FAM193B: variants seen among roughly 807,000 people sequenced by gnomAD.
The protein encoded by FAM193B is family with sequence similarity 193 member B, also known as protein FAM193B.
FAM193B carries 27 observed loss-of-function variants against 70.7 expected under a neutral mutation model. The ratio of observed to expected loss-of-function variants is 0.38; its 90% CI spans 0.28 to 0.53. FAM193B has a LOEUF of 0.53. FAM193B is among the 20% of genes least tolerant of loss of function. FAM193B has a pLI of 0.81. For missense variants in FAM193B, 1,022 were observed against 1,072.5 expected, an observed-to-expected ratio of 0.95 and a Z score of 0.66; for synonymous variants, 448 against 436.0, an observed-to-expected ratio of 1.03 and a Z score of -0.34.
chr5:177,522,118 C>G (rs777113551), intron 7 of FAM193B, 47 bp from the exon 8 acceptor site: 15 of 1,456,528 alleles, frequency 1.0e-5, no homozygotes, highest in Admixed American at 6.9e-5. Flanking sequence ...GAGGTTCATT[C>G]TTTTGCTCAC....
chr5:177,554,206 G>A (rs761714195), intron 1 of FAM193B, 43 bp downstream of exon 1: 4 of 1,486,972 alleles, frequency 2.7e-6, no homozygotes, highest in Non-Finnish European at 2.7e-6. Flanking sequence ...CTCGGGGAAG[G>A]TGAAAGCGCC....
rs1474068786 is a variant in FAM193B at position 177,532,359 on chromosome 5, CG to C, written c.1275+83del. The C allele has an allele frequency of 6.6e-7, 1 of 1,519,510 alleles. No individual in the cohort carries two copies. The highest frequency in any genetic ancestry group is 8.8e-7 in the Non-Finnish European group (1 of 1,135,740). 94.1% of individuals were successfully genotyped at this position (1,519,510 alleles called of 1,614,324 possible). A position where few individuals can be genotyped will look rare whatever the true frequency, so the allele number is the denominator to read the frequency against. ...GCACGGTAATTACCACCGTGAGCAACGGGGTCTCTGGGGAGAGCAGGGTGCT... is the reference window on the plus strand; with the variant it reads ...GCACGGTAATTACCACCGTGAGCAACGGGTCTCTGGGGAGAGCAGGGTGCT... On this transcript the variant is annotated intron_variant, in intron 5 of 8. Coordinates refer to ENST00000514747, the MANE Select transcript of FAM193B (RefSeq NM_001190946.3). This position sits in a 1 kb window ranked among gnomAD's most constrained non-coding sequence, Gnocchi z 4.9.
chr5:177,538,420 A>G lies in FAM193B; in HGVS notation c.454-313T>C, dbSNP rs1764443147. The stretch of plus-strand genomic sequence containing the variant: ...CAATGACAGGAAGGGCCTTTTGACC[A>G]GGAGTCCTGAAGCTAAACTGTTCCT... On this transcript the variant is annotated intron_variant, in intron 2 of 8. Transcript: ENST00000514747. The surrounding 1 kb of genome is among the most constrained non-coding windows in gnomAD (Gnocchi z 4.1). Among the ~76,000 whole-genome samples the G allele has an allele frequency of 6.6e-6, 1 of 152,218 alleles. No homozygotes were observed. Among genetic ancestry groups the G allele is most frequent in the Non-Finnish European group, 1.5e-5 (1 of 68,036 alleles).
In FAM193B at chr5:177,520,152, C is replaced by T. The variant is rs337388; in HGVS notation, c.*31G>A. The T allele has an allele frequency of 0.84, 127,411 of 152,432 alleles. 55,147 individuals carry two copies. Among genetic ancestry groups the T allele is most frequent in the Non-Finnish European group, 0.94 (64,425 of 68,202 alleles). 9.4% of individuals were successfully genotyped at this position (152,432 alleles called of 1,614,324 possible). A position where few individuals can be genotyped will look rare whatever the true frequency, so the allele number is the denominator to read the frequency against. ...TCAGCTGGCAGTCAGGGCCTCAGGA[C>T]GCCCTGAAGCAGCTCAGCCTGGGCA... On this transcript the variant is annotated 3_prime_UTR_variant, in exon 9 of 9. Transcript: ENST00000514747.
chr5:177,553,753 CGAG>C (rs1766630540), intron 1 of FAM193B: 1 of 1,287,738 alleles, frequency 7.8e-7, no homozygotes, highest in Non-Finnish European at 1.0e-6. Flanking sequence ...CTGGGTATGG[CGAG>C]GAGGCGCCAG....
chr5:177,553,522 G>C, intron 1 of FAM193B: 1 of 1,145,226 alleles, frequency 8.7e-7, no homozygotes, highest in South Asian at 1.8e-5. Context: ...TTGCTCAAAA[G>C]AAAGTGACCT....
intron 4 of FAM193B, among the ~76,000 whole-genome samples, chr5:177,534,497 T>C (rs1763941951): frequency 2.0e-5 from 3 of 151,400 alleles, no homozygotes; most frequent in African/African-American, 7.3e-5. Context: ...AGAGATGAGG[T>C]TTCACCATGC....
chr5:177,538,886 C>A lies in FAM193B; in HGVS notation c.453+19G>T. ...AGGAGCCCTCCTGCATTCAGGGACC[C>A]CTGTCAGCGGTTACCTACCGCCACT... is the stretch of plus-strand genomic sequence containing the variant. On this transcript the variant is annotated intron_variant, in intron 2 of 8. Transcript: ENST00000514747. The surrounding 1 kb of genome is among the most constrained non-coding windows in gnomAD (Gnocchi z 4.1). 1 of 1,612,448 alleles carries A rather than the reference C, an allele frequency of 6.2e-7. No homozygotes were observed.
chr5:177,528,419 C>T (rs753736876), intron 5 of FAM193B, among the ~76,000 whole-genome samples: 31 of 152,096 alleles, frequency 2.0e-4, no homozygotes, highest in Admixed American at 5.9e-4. Context: ...AGGTAACAGG[C>T]TCAAGGAGCA....
chr5:177,541,342 G>A (rs1413401854), intron 1 of FAM193B, among the ~76,000 whole-genome samples: 2 of 151,980 alleles, frequency 1.3e-5, no homozygotes, highest in African/African-American at 4.8e-5. Context: ...TTACTACAAC[G>A]GTTTCATTTC....
At chr5:177,528,642 A>G (rs1762990507) in intron 5 of FAM193B, among the ~76,000 whole-genome samples, 1 of 152,254 alleles carries the variant, frequency 6.6e-6, no homozygotes, top group South Asian at 2.1e-4. Flanking sequence ...TCCCTGTATA[A>G]TGGCTTTTTT....
chr5:177,549,460 T>C (rs955580251), intron 1 of FAM193B, among the ~76,000 whole-genome samples: 1 of 152,196 alleles, frequency 6.6e-6, no homozygotes, highest in Non-Finnish European at 1.5e-5. Context: ...CCCAAAGTGC[T>C]GGGATTACAG....
intron 5 of FAM193B, chr5:177,531,514 G>A: frequency 2.3e-6 from 3 of 1,317,562 alleles, no homozygotes; most frequent in Non-Finnish European, 3.0e-6. Flanking sequence ...CGTCGGGGCA[G>A]CGGGTGGCTG....
intron 1 of FAM193B, chr5:177,551,897 C>T (rs1223677058): frequency 2.9e-6 from 1 of 340,044 alleles, no homozygotes; most frequent in African/African-American, 2.2e-5. Context: ...ACACTAGGTG[C>T]TTTGCACCAG....
intron 5 of FAM193B, among the ~76,000 whole-genome samples, chr5:177,528,388 G>C (rs1026852770): frequency 6.6e-6 from 1 of 152,170 alleles, no homozygotes; most frequent in Admixed American, 6.5e-5. Flanking sequence ...GAGGAAAGAG[G>C]CTGGGGAGGG....
Position 177,554,341 on chromosome 5 carries a change from C to G in FAM193B, c.118G>C (p.Gly40Arg). The G allele has an allele frequency of 8.0e-7, 1 of 1,255,088 alleles. No homozygotes were observed. The highest frequency in any genetic ancestry group is 1.0e-6 in the Non-Finnish European group (1 of 999,102). The allele number at this position is 1,255,088 out of a possible 1,614,324, so 77.7% of individuals were successfully genotyped here. A position where few individuals can be genotyped will look rare whatever the true frequency, so the allele number is the denominator to read the frequency against. ...GCCTCCGGAGGGCCTGCACCCGCTC[C>G]CGCCTCCAGGCTTGGCGGCGGCGGG... ...EPPPPPSLEA[G>R]AGAGPPEAPA... The change falls in exon 1 of 9, where the codon GGA becomes CGA. Residue 40 changes from glycine (G) to arginine (R), a missense_variant. Physicochemically the swap from Gly to Arg is moderately radical, Grantham distance 125. Coordinates refer to ENST00000514747, the MANE Select transcript of FAM193B (RefSeq NM_001190946.3).
intron 8 of FAM193B, among the ~76,000 whole-genome samples, chr5:177,520,979 G>A (rs974105026): frequency 6.6e-6 from 1 of 152,202 alleles, no homozygotes; most frequent in African/African-American, 2.4e-5. Context: ...AGCTGCCCCT[G>A]GGGAGCTGAG....
In FAM193B at chr5:177,536,745, C is replaced by G; in HGVS notation, c.689G>C (p.Gly230Ala). Residue 230 changes from glycine (G) to alanine (A), a missense_variant and splice_region_variant, in exon 4 of 9, where the codon GGT becomes GCT. Gly to Ala is a moderately conservative substitution (Grantham distance 60). Transcript: ENST00000514747. ...GTGCTCCGAGACGGGGAAAGCCTCACCTGTGGGCAGAGGGAGGAGAAAGGG... is the reference window on the plus strand; with the variant it reads ...GTGCTCCGAGACGGGGAAAGCCTCAGCTGTGGGCAGAGGGAGGAGAAAGGG... Reference protein sequence around the residue: ...SSLGSPPTIPGEAFPVSEHHQ... With the variant: ...SSLGSPPTIPAEAFPVSEHHQ... The G allele has an allele frequency of 6.4e-7, 1 of 1,552,446 alleles. No individual in the cohort carries two copies. Among genetic ancestry groups the G allele is most frequent in the Non-Finnish European group, 8.7e-7 (1 of 1,149,446 alleles).
intron 1 of FAM193B, 36 bp downstream of exon 1, chr5:177,554,213 C>T (rs765182384): frequency 2.2e-5 from 32 of 1,487,530 alleles, no homozygotes; most frequent in East Asian, 2.8e-5. Context: ...AAGGTGAAAG[C>T]GCCCGAGCCG....
Sources: gnomAD v4.1 joint callset for allele counts (sites outside exome capture counted in the v4.1 genomes callset) on GRCh38, gnomAD v4.1.1 for gene constraint, Gnocchi (gnomAD v3.1) non-coding constraint, MANE v1.5 for transcripts, NCBI Gene and HGNC (gene_info 2026-07-23, HGNC 2026-07-21) for gene names.